Variants in XPOT observed in about 807,000 individuals in gnomAD.
XPOT encodes the protein exportin for tRNA, also known as exportin-T.
In XPOT, 34 loss-of-function variants were observed where a neutral mutation model predicts 128.2. The observed-to-expected ratio is 0.27, with a 90% CI of 0.20 to 0.35. The LOEUF (loss-of-function observed/expected upper bound fraction) is 0.35, where lower values mean the gene tolerates loss of function less well. Ranked by LOEUF, XPOT falls within the 10% of genes least tolerant of loss-of-function variation. XPOT has a pLI of 1.00. For missense variants in XPOT, 838 were observed against 1,125.3 expected (o/e 0.74, Z 3.65); for synonymous variants, 348 against 394.3 (o/e 0.88, Z 1.39).
At chr12:64,425,982 G>A (rs939448915) in intron 15 of XPOT, 73 bp downstream of exon 15, 97 of 1,400,268 alleles carry the variant, frequency 6.9e-5, no homozygotes, top group Admixed American at 8.4e-5. Context: ...CAATAGTAAA[G>A]ACATGGAATC....
chr12:64,434,531 T>G lies in XPOT; in HGVS notation c.2477T>G (p.Leu826Trp). 2.5e-6 allele frequency: 4 copies of G among 1,613,830 alleles called. No homozygotes were observed. Among genetic ancestry groups the G allele is most frequent in the Non-Finnish European group, 3.4e-6 (4 of 1,179,790 alleles). Residue 826 changes from leucine (L) to tryptophan (W), a missense_variant, in exon 20 of 25, where the codon TTG (leucine) becomes TGG (tryptophan). Transcript: ENST00000332707. ...NQGAENVERV[L>W]VTVIQGAVEY... is the part of the protein sequence containing the mutation. Reference sequence around the variant, plus strand: ...GGTGCAGAGAATGTAGAAAGAGTGTTGGTTACTGTTATCCAAGGAGCAGTT... The same window carrying G: ...GGTGCAGAGAATGTAGAAAGAGTGTGGGTTACTGTTATCCAAGGAGCAGTT...
At chr12:64,406,493 C>T (rs1305345795) in intron 1 of XPOT, among the ~76,000 whole-genome samples, 1 of 151,628 alleles carries the variant, frequency 6.6e-6, no homozygotes, top group Admixed American at 6.6e-5. Flanking sequence ...CTCAGCCTCC[C>T]GAATAGCTGG....
chr12:64,431,881 A>G, intron 18 of XPOT, 58 bp downstream of exon 18: 1 of 1,543,008 alleles, frequency 6.5e-7, no homozygotes, highest in Non-Finnish European at 8.7e-7. Flanking sequence ...ATTTATCTTC[A>G]GACATGTTTC....
At chr12:64,438,231 T>C (rs1250794775) in intron 22 of XPOT, among the ~76,000 whole-genome samples, 1 of 152,228 alleles carries the variant, frequency 6.6e-6, no homozygotes, top group African/African-American at 2.4e-5. Flanking sequence ...AGTGTTTTGC[T>C]TCAGAAAACA....
rs11553448 is a variant in XPOT at position 64,433,492 on chromosome 12, G to A, written c.2341G>A (p.Glu781Lys). The A allele has an allele frequency of 6.2e-7, 1 of 1,611,560 alleles. No individual in the cohort carries two copies. The highest frequency in any genetic ancestry group is 8.5e-7 in the Non-Finnish European group (1 of 1,178,618). The change falls in exon 19 of 25, where the codon GAA becomes AAA. Residue 781 changes from glutamate to lysine, a missense_variant. Physicochemically the swap from Glu to Lys is moderately conservative, Grantham distance 56. Coordinates refer to ENST00000332707, the MANE Select transcript of XPOT (RefSeq NM_007235.6). ...TTTTGAAGTGCTGCTCCGGCCAGCA[G>A]AAGAAAATGACCAGTCTGCTGCTTT... ...AIFEVLLRPAEENDQSAALEK... is the reference protein window; with the variant it reads ...AIFEVLLRPAKENDQSAALEK...
intron 1 of XPOT, among the ~76,000 whole-genome samples, chr12:64,409,415 A>G (rs2040013959): frequency 6.6e-6 from 1 of 152,210 alleles, no homozygotes; most frequent in African/African-American, 2.4e-5. Flanking sequence ...AGACTAAGAA[A>G]GCTTGAGGAC....
At chr12:64,424,782 G>T (rs2040174859) in intron 12 of XPOT, 59 bp downstream of exon 12, 1 of 1,585,332 alleles carries the variant, frequency 6.3e-7, no homozygotes, top group African/African-American at 1.4e-5. Flanking sequence ...TTTGATATGG[G>T]TCAAAATAAA....
intron 18 of XPOT, among the ~76,000 whole-genome samples, chr12:64,432,653 C>T (rs759564856): frequency 6.6e-6 from 1 of 152,148 alleles, no homozygotes; most frequent in Non-Finnish European, 1.5e-5. Context: ...GTTGAGGAAA[C>T]TGAGGCATGG....
At chr12:64,433,727 A>G in intron 19 of XPOT, 124 bp downstream of exon 19, 1 of 889,226 alleles carries the variant, frequency 1.1e-6, no homozygotes, top group Non-Finnish European at 1.6e-6. Flanking sequence ...ATGGGAAGAC[A>G]GTTTATTGTT....
intron 1 of XPOT, among the ~76,000 whole-genome samples, chr12:64,409,468 G>C (rs1565793402): frequency 6.6e-6 from 1 of 152,220 alleles, no homozygotes; most frequent in Non-Finnish European, 1.5e-5. Flanking sequence ...AGGTGGGGTG[G>C]CTCATGCCTG....
intron 1 of XPOT, among the ~76,000 whole-genome samples, chr12:64,406,614 G>A (rs1021905120): frequency 1.3e-5 from 2 of 151,744 alleles, no homozygotes; most frequent in Non-Finnish European, 2.9e-5. Context: ...GTTGATCTGC[G>A]CCCCCCTCCC....
intron 23 of XPOT, among the ~76,000 whole-genome samples, chr12:64,439,616 T>A (rs1423008415): frequency 1.3e-5 from 2 of 152,192 alleles, no homozygotes; most frequent in African/African-American, 2.4e-5. Context: ...TTATGCATTT[T>A]TTTAAAAAAA....
Position 64,414,958 on chromosome 12 carries a change from T to G in XPOT, c.112T>G (p.Cys38Gly), listed in dbSNP as rs758473702. The change falls in exon 3 of 25, where the codon TGT becomes GGT. Residue 38 changes from cysteine (C) to glycine (G), a missense_variant. Physicochemically the swap from Cys to Gly is radical, Grantham distance 159. Around this residue, in one of 3 missense-constraint regions of XPOT, gnomAD observed 761 missense variants for 988.3 expected, o/e 0.77. Coordinates refer to ENST00000332707, the MANE Select transcript of XPOT (RefSeq NM_007235.6). Reference protein sequence around the residue: ...LKISPDAWQVCAEALAQRTYS... With the variant: ...LKISPDAWQVGAEALAQRTYS... ...AATTTCCCCAGATGCCTGGCAGGTG[T>G]GTGCAGAAGCTCTAGCCCAGAGGAC... is the stretch of plus-strand genomic sequence containing the variant. The G allele has an allele frequency of 1.2e-6, 2 of 1,613,680 alleles. No individual in the cohort carries two copies. The highest frequency in any genetic ancestry group is 1.7e-6 in the Non-Finnish European group (2 of 1,179,792).
chr12:64,428,203 A>T (rs1592334211), intron 16 of XPOT, 83 bp downstream of exon 16: 17 of 401,766 alleles, frequency 4.2e-5, no homozygotes, highest in East Asian at 5.7e-5. Context: ...GTTGGCATTT[A>T]AAAAAAAAAA....
chr12:64,406,731 A>G (rs923538663), intron 1 of XPOT, among the ~76,000 whole-genome samples: 2 of 152,036 alleles, frequency 1.3e-5, no homozygotes, highest in Non-Finnish European at 1.5e-5. Flanking sequence ...GGACTTCTCA[A>G]TCAGGGATTC....
chr12:64,442,282 G>A (rs897131423), intron 23 of XPOT, among the ~76,000 whole-genome samples: 14 of 152,042 alleles, frequency 9.2e-5, no homozygotes, highest in African/African-American at 3.1e-4. Context: ...AGGATTACAG[G>A]TGCCCACCAC....
In XPOT at chr12:64,418,995, A is replaced by T; in HGVS notation, c.390A>T (p.Ser130=). ...CCAAGTTTTTTTTTGACATTCTCTC[A>T]GTAGTGGACCTAAATCCAAGGGGAG... ...KWPKFFFDIL[S]VVDLNPRGVD... is the part of the protein sequence containing the mutation. Residue 130 remains serine, a synonymous_variant, in exon 6 of 25, where the codon TCA becomes TCT. Coordinates refer to ENST00000332707, the MANE Select transcript of XPOT (RefSeq NM_007235.6). The T allele has an allele frequency of 6.2e-7, 1 of 1,614,120 alleles. No individual in the cohort carries two copies. Among genetic ancestry groups the T allele is most frequent in the East Asian group, 2.2e-5 (1 of 44,872 alleles).
At chr12:64,405,307 G>A (rs1390330606) in intron 1 of XPOT, 2 of 152,322 alleles carry the variant, frequency 1.3e-5, no homozygotes, top group South Asian at 2.1e-4. Flanking sequence ...GACTAGAGAA[G>A]CATGAGGTTT....
chr12:64,446,403 T>A (rs938711016), intron 24 of XPOT, among the ~76,000 whole-genome samples: 6 of 152,198 alleles, frequency 3.9e-5, no homozygotes, highest in Non-Finnish European at 7.3e-5. Context: ...CACTCCTCCC[T>A]TCACATCTGA....
Sources: gnomAD v4.1 joint callset for allele counts (sites outside exome capture counted in the v4.1 genomes callset) on GRCh38, gnomAD v4.1.1 for gene constraint, gnomAD v4.1.1 regional missense constraint, MANE v1.5 for transcripts, NCBI Gene and HGNC (gene_info 2026-07-23, HGNC 2026-07-21) for gene names.